COL19A1: variants seen among roughly 807,000 people sequenced by gnomAD.
COL19A1 encodes collagen type XIX alpha 1 chain.
COL19A1 carries 159 observed loss-of-function variants against 190.2 expected under a neutral mutation model. The ratio of observed to expected loss-of-function variants is 0.84; its 90% CI spans 0.73 to 0.95. The LOEUF (loss-of-function observed/expected upper bound fraction) is 0.95, where lower values mean the gene tolerates loss of function less well. COL19A1 is among the 40% of genes least tolerant of loss of function. The probability of loss-of-function intolerance (pLI) is 0.00; values close to 1 mark genes in which losing one functional copy is unlikely to be tolerated. For missense variants in COL19A1, 1,418 were observed against 1,431.9 expected (o/e 0.99, Z 0.16); for synonymous variants, 509 against 458.9 (o/e 1.11, Z -1.39).
intron 11 of COL19A1, among the ~76,000 whole-genome samples, chr6:69,987,658 G>A (rs987569660): frequency 5.9e-5 from 9 of 152,192 alleles, no homozygotes; most frequent in African/African-American, 1.9e-4. Flanking sequence ...TTCTTTCACT[G>A]GCTTCTAGGA....
At chr6:69,926,286 A>G (rs568733414) in intron 4 of COL19A1, among the ~76,000 whole-genome samples, 1 of 152,286 alleles carries the variant, frequency 6.6e-6, no homozygotes, top group Admixed American at 6.5e-5. Flanking sequence ...CAGATAAAAG[A>G]GTGGCCAATA....
rs913394941 is a variant in COL19A1 at position 70,176,638 on chromosome 6, T to A, written c.2667+74T>A. The A allele has an allele frequency of 7.4e-6, 11 of 1,480,846 alleles. No homozygotes were observed. In the African/African-American group the frequency reaches 1.4e-4, roughly 19 times the overall value. The allele number at this position is 1,480,846 out of a possible 1,614,324, so 91.7% of individuals were successfully genotyped here. A position where few individuals can be genotyped will look rare whatever the true frequency, so the allele number is the denominator to read the frequency against. On this transcript the variant is annotated intron_variant, in intron 42 of 50. Coordinates refer to ENST00000620364, the MANE Select transcript of COL19A1 (RefSeq NM_001858.6). ...TCCATGATACACCTGTGGCCAGGGA[T>A]CAAGACAGGCAGGAGAGCATACCAT...
intron 40 of COL19A1, among the ~76,000 whole-genome samples, chr6:70,170,921 T>C (rs188218889): frequency 1.6e-4 from 24 of 152,312 alleles, no homozygotes; most frequent in Non-Finnish European, 1.9e-4. Context: ...AAAGCTCTTG[T>C]TTCTTTGTGA....
rs114154367 is a variant in COL19A1, at chr6:70,008,404, A to G, written c.1027-15223A>G. 4.7e-3 allele frequency among the ~76,000 whole-genome samples: 721 copies of G among 152,056 alleles called. 8 individuals carry two copies. Among genetic ancestry groups the G allele is most frequent in the African/African-American group, 0.016 (683 of 41,564 alleles). ...ACTGAAAGGCTTACAAGGGAATATT[A>G]TCAATGAGTTTAGGCTAATAAATTC... On this transcript the variant is annotated intron_variant, in intron 11 of 50. Coordinates refer to ENST00000620364, the MANE Select transcript of COL19A1 (RefSeq NM_001858.6).
At chr6:70,061,341 T>C (rs1403628734) in intron 14 of COL19A1, among the ~76,000 whole-genome samples, 2 of 151,978 alleles carry the variant, frequency 1.3e-5, no homozygotes, top group African/African-American at 4.8e-5. Flanking sequence ...ATTCAAAGAG[T>C]GAATGATTCA....
At chr6:69,883,640 C>T (rs1325214501) in intron 2 of COL19A1, among the ~76,000 whole-genome samples, 1 of 152,236 alleles carries the variant, frequency 6.6e-6, no homozygotes, top group Admixed American at 6.5e-5. Flanking sequence ...CAAGAACCCT[C>T]ACTAAACTGC....
intron 9 of COL19A1, among the ~76,000 whole-genome samples, chr6:69,954,968 C>CA (rs2150038800): frequency 6.6e-6 from 1 of 152,226 alleles, no homozygotes; most frequent in Admixed American, 6.6e-5. Flanking sequence ...TGACTGATGA[C>CA]ACTGTCCTTC....
chr6:69,904,166 C>A (rs1447500666), intron 4 of COL19A1, among the ~76,000 whole-genome samples: 1 of 152,174 alleles, frequency 6.6e-6, no homozygotes, highest in Admixed American at 6.5e-5. Context: ...GGAGGGAAAG[C>A]GTTCATCATC....
At chr6:70,100,305 C>T (rs79878017) in intron 15 of COL19A1, among the ~76,000 whole-genome samples, 5,010 of 152,018 alleles carry the variant, frequency 0.033, 270 homozygotes, top group East Asian at 0.21. Context: ...TCCTCAGAGG[C>T]GAATTTACTT....
Position 70,156,299 on chromosome 6 carries a change from C to G in COL19A1, c.2185-17C>G. 6.2e-7 allele frequency: 1 copy of G among 1,613,292 alleles called. No individual in the cohort carries two copies. Among genetic ancestry groups the G allele is most frequent in the Non-Finnish European group, 8.5e-7 (1 of 1,179,528 alleles). On this transcript the variant is annotated splice_polypyrimidine_tract_variant and intron_variant, in intron 32 of 50. Coordinates refer to ENST00000620364, the MANE Select transcript of COL19A1 (RefSeq NM_001858.6). ...TGTAGTGCATCCTCTCAGTTCTGTT[C>G]TTCCTCTGTCTTCTAGGGTGATATA...
intron 47 of COL19A1, among the ~76,000 whole-genome samples, chr6:70,189,285 G>A (rs1235919419): frequency 6.6e-6 from 1 of 152,122 alleles, no homozygotes; most frequent in Non-Finnish European, 1.5e-5. Context: ...GAGCGATGAG[G>A]AACCTACCCA....
chr6:69,983,634 G>C (rs1281522223), intron 11 of COL19A1, among the ~76,000 whole-genome samples: 13 of 152,130 alleles, frequency 8.5e-5, no homozygotes, highest in South Asian at 2.1e-4. Context: ...TGAATATTGA[G>C]AATATAATTT....
At chr6:69,921,756 G>A (rs771632861) in intron 4 of COL19A1, among the ~76,000 whole-genome samples, 16 of 144,692 alleles carry the variant, frequency 1.1e-4, no homozygotes, top group Non-Finnish European at 2.2e-4. Context: ...ATGTATATTC[G>A]TATGTAGATT....
chr6:70,202,056 G>A (rs781520222), intron 49 of COL19A1, among the ~76,000 whole-genome samples: 1 of 152,142 alleles, frequency 6.6e-6, no homozygotes, highest in South Asian at 2.1e-4. Flanking sequence ...CAGTGACCAC[G>A]CAAACCTCGG....
chr6:70,053,138 C>T (rs1212484637), intron 14 of COL19A1, among the ~76,000 whole-genome samples: 1 of 152,032 alleles, frequency 6.6e-6, no homozygotes, highest in Admixed American at 6.6e-5. Flanking sequence ...ACATGGAAGT[C>T]TTTTTGTATG....
chr6:70,140,923 T>C, intron 19 of COL19A1, 31 bp from the exon 20 acceptor site: 1 of 1,607,752 alleles, frequency 6.2e-7, no homozygotes, highest in Non-Finnish European at 8.5e-7. Flanking sequence ...TCTAAGAGCG[T>C]TTAATTCTAT....
At chr6:69,975,376 T>A (rs898476300) in intron 11 of COL19A1, among the ~76,000 whole-genome samples, 9 of 152,170 alleles carry the variant, frequency 5.9e-5, no homozygotes, top group African/African-American at 1.7e-4. Context: ...GGCATTTGGA[T>A]TTTGTGGAGC....
rs1465957177 is a variant in COL19A1, at chr6:69,990,489, G to T, written c.1026+27619G>T. The stretch of plus-strand genomic sequence containing the variant: ...TAAGATAGGCACATTCTAGTTGGTT[G>T]CTGTGCTTTTGATGGTCTCTTGATC... On this transcript the variant is annotated intron_variant, in intron 11 of 50. Coordinates refer to ENST00000620364, the MANE Select transcript of COL19A1 (RefSeq NM_001858.6). Among the ~76,000 whole-genome samples, 3 of 152,192 alleles carry T rather than the reference G, an allele frequency of 2.0e-5. No individual in the cohort carries two copies. In the East Asian group the frequency reaches 5.8e-4, roughly 29 times the overall value.
At chr6:69,973,702 T>A (rs1055557797) in intron 11 of COL19A1, 5 of 152,230 alleles carry the variant, frequency 3.3e-5, no homozygotes, top group Non-Finnish European at 5.9e-5. Flanking sequence ...AATTTCTAAC[T>A]GTTTTTAGTA....
Sources: allele counts gnomAD v4.1 joint callset (sites outside exome capture counted in the v4.1 genomes callset), GRCh38; gene constraint gnomAD v4.1.1; transcripts MANE v1.5; gene names NCBI Gene and HGNC (gene_info 2026-07-23, HGNC 2026-07-21).